Variants in DPP10 observed in about 807,000 individuals in gnomAD.
The protein encoded by DPP10 is dipeptidyl peptidase like 10, also known as inactive dipeptidyl peptidase 10.
In DPP10, 33 loss-of-function variants were observed where a neutral mutation model predicts 120.9. The ratio of observed to expected loss-of-function variants is 0.27; its 90% confidence interval spans 0.21 to 0.37. The LOEUF is 0.37. Ranked by LOEUF, DPP10 falls within the 10% of genes least tolerant of loss-of-function variation. The pLI is 1.00. For missense variants in DPP10, 816 were observed against 942.8 expected (o/e 0.87, Z 1.76); for synonymous variants, 337 against 326.1 (o/e 1.03, Z -0.36).
rs767664090 is a variant in DPP10, at chr2:115,782,348, C to T, written c.1484-4C>T. 9 of 1,609,686 alleles carry T rather than the reference C, an allele frequency of 5.6e-6. No individual in the cohort carries two copies. Among genetic ancestry groups the T allele is most frequent in the African/African-American group, 1.3e-5 (1 of 74,736 alleles). On this transcript the variant is annotated splice_polypyrimidine_tract_variant and splice_region_variant and intron_variant, in intron 16 of 25. Transcript: ENST00000410059. ...ATATTTATACACATATTTTTAAATT[C>T]CAGGTCCAAGGGTCCCAGTGGTCAG...
intron 1 of DPP10, among the ~76,000 whole-genome samples, chr2:114,825,733 G>A (rs1484346711): frequency 3.3e-5 from 5 of 152,134 alleles, no homozygotes; most frequent in Non-Finnish European, 5.9e-5. Flanking sequence ...AATGCGTGAC[G>A]AGTCTGATGG....
At chr2:114,862,274 GAA>G (rs5833566) in intron 1 of DPP10, among the ~76,000 whole-genome samples, 37 of 150,742 alleles carry the variant, frequency 2.5e-4, no homozygotes, top group African/African-American at 7.3e-4. Flanking sequence ...TGTCCAAGTG[GAA>G]AAAAAAAAAT....
At chr2:114,620,211 A>G (rs1325475654) in intron 1 of DPP10, among the ~76,000 whole-genome samples, 2 of 152,062 alleles carry the variant, frequency 1.3e-5, no homozygotes, top group Non-Finnish European at 2.9e-5. Flanking sequence ...ACAAGTCATC[A>G]ACAGGCATAT....
At chr2:114,483,882 C>T (rs1182822627) in intron 1 of DPP10, among the ~76,000 whole-genome samples, 3 of 152,130 alleles carry the variant, frequency 2.0e-5, no homozygotes, top group Non-Finnish European at 2.9e-5. Context: ...ATTTGTGTAT[C>T]GTAGAATCAT....
rs188267906 is a variant in DPP10, at chr2:115,840,418, G to A, written c.2183-332G>A. Among the ~76,000 whole-genome samples, 27 of 132,856 alleles carry A rather than the reference G, an allele frequency of 2.0e-4. No homozygotes were observed. In the East Asian group the frequency reaches 2.9e-3, roughly 14 times the overall value. The allele number at this position is 132,856 out of a possible 152,430, so 87.2% of individuals were successfully genotyped here. A position where few individuals can be genotyped will look rare whatever the true frequency, so the allele number is the denominator to read the frequency against. On this transcript the variant is annotated intron_variant, in intron 24 of 25. Coordinates refer to ENST00000410059, the MANE Select transcript of DPP10 (RefSeq NM_020868.6). ...TGCTCACTGCAAGCTCCCCACTCCC[G>A]GGTTCACGCCATTCTCCTGCCTCAG...
chr2:114,610,752 T>C (rs1693217250), intron 1 of DPP10, among the ~76,000 whole-genome samples: 1 of 152,138 alleles, frequency 6.6e-6, no homozygotes, highest in Admixed American at 6.5e-5. Flanking sequence ...GCTCAGTCTC[T>C]GTAGTTTTGG....
Position 115,644,798 on chromosome 2 carries a change from A to T in DPP10, c.442-44889A>T, listed in dbSNP as rs1201279104. ...ACCTTGTCTCTAAAAATAAAAATTT[A>T]AAAAGTTATTAATTGAATAGGAGTT... On this transcript the variant is annotated intron_variant, in intron 5 of 25. Coordinates refer to ENST00000410059, the MANE Select transcript of DPP10 (RefSeq NM_020868.6). Among the ~76,000 whole-genome samples the T allele has an allele frequency of 2.0e-5, 3 of 152,100 alleles. No homozygotes were observed. The East Asian group carries it at 5.8e-4, about 29-fold the overall frequency.
intron 3 of DPP10, among the ~76,000 whole-genome samples, chr2:115,494,314 G>C (rs1313211253): frequency 6.6e-6 from 1 of 152,048 alleles, no homozygotes; most frequent in Non-Finnish European, 1.5e-5. Context: ...GCATTGACTT[G>C]TTTATAAAAC....
chr2:115,453,344 A>C (rs2073269554), intron 3 of DPP10, among the ~76,000 whole-genome samples: 2 of 151,594 alleles, frequency 1.3e-5, no homozygotes, highest in South Asian at 4.2e-4. Context: ...ATTATTCTAT[A>C]AATTAGAAAA....
At chr2:114,738,574 C>G (rs147865894) in intron 1 of DPP10, among the ~76,000 whole-genome samples, 2 of 152,316 alleles carry the variant, frequency 1.3e-5, no homozygotes, top group South Asian at 4.1e-4. Context: ...GGAGCACCGG[C>G]CTGTGTGAGA....
chr2:115,750,240 T>TA, intron 10 of DPP10: 1 of 974,566 alleles, frequency 1.0e-6, no homozygotes, highest in South Asian at 4.7e-5. Context: ...CCTGAATACT[T>TA]ATGAGTAAGC....
At chr2:115,161,271 G>C (rs1227453179) in intron 1 of DPP10, 1 of 152,372 alleles carries the variant, frequency 6.6e-6, no homozygotes, top group East Asian at 1.9e-4. Context: ...CGCCTCCCAC[G>C]GGGCTCCGGG....
At chr2:115,502,394 A>AAGTG (rs2076725936) in intron 4 of DPP10, among the ~76,000 whole-genome samples, 1 of 152,296 alleles carries the variant, frequency 6.6e-6, no homozygotes, top group African/African-American at 2.4e-5. Context: ...GATGGGAAGT[A>AAGTG]AGTGGTTTAG....
intron 1 of DPP10, among the ~76,000 whole-genome samples, chr2:114,890,666 G>A (rs1211773153): frequency 1.3e-5 from 2 of 152,144 alleles, no homozygotes; most frequent in Non-Finnish European, 2.9e-5. Context: ...AGCATGTATT[G>A]AATGCCTACT....
intron 1 of DPP10, among the ~76,000 whole-genome samples, chr2:114,470,532 A>G (rs1679821351): frequency 6.6e-6 from 1 of 152,166 alleles, no homozygotes; most frequent in South Asian, 2.1e-4. Flanking sequence ...GGCTACAGGG[A>G]TATTTCTTTT....
chr2:115,786,778 G>A (rs1683392242), intron 17 of DPP10, among the ~76,000 whole-genome samples: 1 of 152,154 alleles, frequency 6.6e-6, no homozygotes, highest in African/African-American at 2.4e-5. Flanking sequence ...GTTGAGGAAT[G>A]GTATGGAATT....
chr2:115,685,520 A>G (rs150274570), intron 5 of DPP10, among the ~76,000 whole-genome samples: 189 of 152,070 alleles, frequency 1.2e-3, no homozygotes, highest in African/African-American at 4.3e-3. Context: ...TGGTCTTTGT[A>G]TTTTGCAAGT....
chr2:115,218,977 C>G (rs750910992), intron 1 of DPP10, among the ~76,000 whole-genome samples: 10 of 152,072 alleles, frequency 6.6e-5, no homozygotes, highest in Non-Finnish European at 1.3e-4. Context: ...CATCCTCATA[C>G]CCATCACACT....
chr2:115,565,621 T>C (rs2080953420), intron 5 of DPP10, among the ~76,000 whole-genome samples: 1 of 152,134 alleles, frequency 6.6e-6, no homozygotes, highest in African/African-American at 2.4e-5. Flanking sequence ...TCTTTGTACA[T>C]CTAGAATATT....
Sources: gnomAD v4.1 joint callset for allele counts (sites outside exome capture counted in the v4.1 genomes callset) on GRCh38, gnomAD v4.1.1 for gene constraint, MANE v1.5 for transcripts, NCBI Gene and HGNC (gene_info 2026-07-23, HGNC 2026-07-21) for gene names.